Variants in ADGRV1 observed in about 807,000 individuals in gnomAD.
ADGRV1 encodes G-protein coupled receptor 98.
A neutral mutation model predicts 596.2 loss-of-function variants in ADGRV1; 359 were observed. The observed-to-expected ratio is 0.60, with a 90% CI of 0.55 to 0.66. The LOEUF is 0.66. ADGRV1 is among the 30% of genes least tolerant of loss of function. ADGRV1 has a pLI of 0.00. For synonymous variants in ADGRV1, 2,681 were observed against 2,679.2 expected (o/e 1.00, Z -0.02); for missense variants, 7,274 against 7,575.6 (o/e 0.96, Z 1.48).
intron 59 of ADGRV1, among the ~76,000 whole-genome samples, chr5:90,771,792 C>A (rs921367984): frequency 1.3e-5 from 2 of 152,144 alleles, no homozygotes; most frequent in African/African-American, 4.8e-5. Context: ...GAAAGGGATT[C>A]CAGGTTCACA....
chr5:91,132,839 A>G (rs1316773241), intron 87 of ADGRV1, among the ~76,000 whole-genome samples: 1 of 152,226 alleles, frequency 6.6e-6, no homozygotes, highest in Non-Finnish European at 1.5e-5. Flanking sequence ...GGAGACTGGA[A>G]ATCAGATGAG....
chr5:90,972,768 C>G (rs1043754338), intron 84 of ADGRV1, among the ~76,000 whole-genome samples: 1 of 152,070 alleles, frequency 6.6e-6, no homozygotes, highest in Non-Finnish European at 1.5e-5. Flanking sequence ...CTAAAATTGA[C>G]ACGCTAACAT....
intron 86 of ADGRV1, among the ~76,000 whole-genome samples, chr5:91,080,351 A>C (rs1789234533): frequency 2.0e-5 from 3 of 152,102 alleles, no homozygotes; most frequent in Non-Finnish European, 4.4e-5. Flanking sequence ...AGGAAATGAG[A>C]GGCTTAGAAA....
chr5:91,114,954 C>T (rs547448694), intron 87 of ADGRV1, among the ~76,000 whole-genome samples: 1 of 152,164 alleles, frequency 6.6e-6, no homozygotes, highest in Non-Finnish European at 1.5e-5. Context: ...CTGCAAATCC[C>T]AGGCTGCAAT....
chr5:90,560,899 A>G (rs1334447849), intron 1 of ADGRV1, among the ~76,000 whole-genome samples: 1 of 152,206 alleles, frequency 6.6e-6, no homozygotes, highest in Non-Finnish European at 1.5e-5. Context: ...GCTGGTATTA[A>G]GTATGTCAGA....
chr5:90,814,487 C>T (rs536806111), intron 74 of ADGRV1, among the ~76,000 whole-genome samples: 1 of 152,152 alleles, frequency 6.6e-6, no homozygotes, highest in Non-Finnish European at 1.5e-5. Context: ...GTTGTAATCC[C>T]CCAAATCCCC....
chr5:90,802,862 G>C lies in ADGRV1; in HGVS notation c.14641G>C (p.Glu4881Gln). The change falls in exon 71 of 90, where the codon GAG (glutamate) becomes CAG (glutamine). Residue 4881 changes from glutamate (E) to glutamine (Q), a missense_variant. Glu to Gln is a conservative substitution (Grantham distance 29). Around this residue, in one of 5 missense-constraint regions of ADGRV1, gnomAD observed 1,874 missense variants for 1,970.2 expected, o/e 0.95. Transcript: ENST00000405460. Reference sequence around the variant, plus strand: ...AAAATCTGCTGTCCTTCCAGTCTCTGAGAAAGCTGCCAATTCTCAGGTAAT... The same window carrying C: ...AAAATCTGCTGTCCTTCCAGTCTCTCAGAAAGCTGCCAATTCTCAGGTAAT... ...EAKSAVLPVS[E>Q]KAANSQVGFE... 3 of 1,607,694 alleles carry C rather than the reference G, an allele frequency of 1.9e-6. No homozygotes were observed. The highest frequency in any genetic ancestry group is 2.5e-6 in the Non-Finnish European group (3 of 1,177,010).
rs773390739 is a variant in ADGRV1 at position 90,763,446 on chromosome 5, A to C, written c.12262A>C (p.Asn4088His). 3 of 1,612,838 alleles carry C rather than the reference A, an allele frequency of 1.9e-6. No individual in the cohort carries two copies. Among genetic ancestry groups the C allele is most frequent in the Non-Finnish European group, 2.5e-6 (3 of 1,179,080 alleles). Reference protein sequence around the residue: ...EKAKHNLSPLNGTLHFDETES... With the variant: ...EKAKHNLSPLHGTLHFDETES... ...GGCTAAACATAACCTTAGTCCTTTG[A>C]ATGGGACCCTTCATTTTGATGAGGT... The change falls in exon 59 of 90, where the codon AAT (asparagine) becomes CAT (histidine). Residue 4088 changes from asparagine (N) to histidine (H), a missense_variant. Transcript: ENST00000405460.
At chr5:90,616,545 G>T (rs373561844) in intron 2 of ADGRV1, among the ~76,000 whole-genome samples, 1 of 151,998 alleles carries the variant, frequency 6.6e-6, no homozygotes, top group South Asian at 2.1e-4. Context: ...TTTTTGGCAG[G>T]CCACATACAT....
chr5:90,566,144 G>A (rs1026155978), intron 1 of ADGRV1, among the ~76,000 whole-genome samples: 2 of 151,942 alleles, frequency 1.3e-5, no homozygotes, highest in Admixed American at 6.6e-5. Context: ...ATGGTGTCCT[G>A]TGAAGCAAAA....
At chr5:90,930,174 T>G (rs1581552716) in intron 83 of ADGRV1, among the ~76,000 whole-genome samples, 1 of 152,216 alleles carries the variant, frequency 6.6e-6, no homozygotes, top group African/African-American at 2.4e-5. Context: ...GGACAGATTA[T>G]GCTGTGATTT....
chr5:90,912,902 C>G (rs1412240889), intron 83 of ADGRV1, among the ~76,000 whole-genome samples: 3 of 152,190 alleles, frequency 2.0e-5, no homozygotes, highest in Non-Finnish European at 4.4e-5. Flanking sequence ...ATTAAGTCCA[C>G]TTCTCAATCC....
chr5:90,853,032 C>G (rs1206904083), intron 79 of ADGRV1, among the ~76,000 whole-genome samples: 1 of 152,118 alleles, frequency 6.6e-6, no homozygotes, highest in African/African-American at 2.4e-5. Context: ...ATCCATAAAA[C>G]AGTTTTCAAA....
At chr5:91,113,763 A>G (rs1232317859) in intron 87 of ADGRV1, among the ~76,000 whole-genome samples, 1 of 152,046 alleles carries the variant, frequency 6.6e-6, no homozygotes, top group African/African-American at 2.4e-5. Context: ...TACTAGAAAT[A>G]TAAAAATTAA....
chr5:91,142,723 G>A (rs575475590), intron 87 of ADGRV1, among the ~76,000 whole-genome samples: 4 of 152,114 alleles, frequency 2.6e-5, no homozygotes, highest in Non-Finnish European at 4.4e-5. Flanking sequence ...CCTTGATGAC[G>A]TCAAGAACAT....
intron 3 of ADGRV1, among the ~76,000 whole-genome samples, chr5:90,618,328 G>A (rs1025213836): frequency 2.6e-5 from 4 of 152,188 alleles, no homozygotes; most frequent in African/African-American, 9.7e-5. Context: ...GGGCATGGAA[G>A]TGGGAGGTCC....
intron 86 of ADGRV1, among the ~76,000 whole-genome samples, chr5:91,077,016 G>A (rs905255882): frequency 6.6e-6 from 1 of 152,096 alleles, no homozygotes; most frequent in African/African-American, 2.4e-5. Context: ...CGGAGCACTT[G>A]ACACTCTCTT....
chr5:90,807,457 C>A (rs1327555437), intron 72 of ADGRV1, 145 bp from the exon 73 acceptor site: 3 of 729,904 alleles, frequency 4.1e-6, no homozygotes, highest in Non-Finnish European at 6.3e-6. Flanking sequence ...TACCTCTCCC[C>A]CGACCCCTTT....
At chr5:90,876,540 T>G (rs185339004) in intron 83 of ADGRV1, among the ~76,000 whole-genome samples, 2 of 152,326 alleles carry the variant, frequency 1.3e-5, no homozygotes, top group East Asian at 3.9e-4. Flanking sequence ...CACTAGATAC[T>G]CGTGAAACTC....
Sources: gnomAD v4.1 joint callset for allele counts (sites outside exome capture counted in the v4.1 genomes callset) on GRCh38, gnomAD v4.1.1 for gene constraint, gnomAD v4.1.1 regional missense constraint, MANE v1.5 for transcripts, NCBI Gene and HGNC (gene_info 2026-07-23, HGNC 2026-07-21) for gene names.